The following HRAS variants were observed in gnomAD, a reference collection of about 807,000 sequenced individuals.
HRAS encodes the protein HRas proto-oncogene, GTPase, also known as GTPase HRas.
Under a neutral mutation model 19.8 loss-of-function variants are expected in HRAS, and 11 were observed. The observed-to-expected ratio is 0.55, with a 90% confidence interval of 0.35 to 0.92. HRAS has a LOEUF of 0.92. HRAS is among the 40% of genes least tolerant of loss of function. The pLI is 0.01. For missense variants in HRAS, 204 were observed against 255.9 expected, an observed-to-expected ratio of 0.80 and a Z score of 1.38; for synonymous variants, 149 against 105.5, an observed-to-expected ratio of 1.41 and a Z score of -2.52.
At chr11:534,624 C>T (rs1851342580) in intron 1 of HRAS, 2 of 504,632 alleles carry the variant, frequency 4.0e-6, no homozygotes, top group Non-Finnish European at 3.6e-6. Flanking sequence ...GCAGGGCTGA[C>T]AGCTGAGCGC....
At chr11:534,431 G>C in intron 1 of HRAS, 56 bp from the exon 2 acceptor site, 1 of 850,716 alleles carries the variant, frequency 1.2e-6, no homozygotes, top group South Asian at 1.5e-5. Context: ...GCCCCACAGG[G>C]CAGCTGCTGG....
rs1057522255 is a variant in HRAS at position 533,435 on chromosome 11, G to A, written c.450+18C>T. ...GGGGCGGGTCCCTGGCTAGCTGTGGGGTGGAGAGCTGCCTCACCTGCCGGG... is the reference window on the plus strand; with the variant it reads ...GGGGCGGGTCCCTGGCTAGCTGTGGAGTGGAGAGCTGCCTCACCTGCCGGG... On this transcript the variant is annotated intron_variant, in intron 4 of 5. Coordinates refer to ENST00000311189, the MANE Select transcript of HRAS (RefSeq NM_005343.4). The A allele has an allele frequency of 3.7e-6, 6 of 1,612,160 alleles. No individual in the cohort carries two copies. The highest frequency in any genetic ancestry group is 5.1e-6 in the Non-Finnish European group (6 of 1,179,916).
At chr11:534,457 G>A in intron 1 of HRAS, 82 bp from the exon 2 acceptor site, 1 of 697,488 alleles carries the variant, frequency 1.4e-6, no homozygotes, top group Non-Finnish European at 2.4e-6. Flanking sequence ...CCATCTGAAG[G>A]GCAAACCCAC....
rs544630615 is a variant in HRAS, at chr11:534,409, GCCCAGC to G, written c.-53-40_-53-35del. ...GAGGGCCCTGCTCAGCCAGGCCCAG[GCCCAGC>G]CCCAGGCCCCACAGGGCAGCTGCTG... is the stretch of plus-strand genomic sequence containing the variant. On this transcript the variant is annotated intron_variant, in intron 1 of 5. Transcript: ENST00000311189. 114,188 of 731,746 alleles carry G rather than the reference GCCCAGC, an allele frequency of 0.16. 8,006 individuals are homozygous for G. The highest frequency in any genetic ancestry group is 0.27 in the Admixed American group (10,885 of 39,670). 45.3% of individuals were successfully genotyped at this position (731,746 alleles called of 1,614,324 possible).
intron 1 of HRAS, 104 bp from the exon 2 acceptor site, chr11:534,479 G>A (rs1214457976): frequency 2.4e-5 from 15 of 635,794 alleles, no homozygotes; most frequent in Non-Finnish European, 4.1e-5. Context: ...GCGGTCCCTG[G>A]GCCCCAACGC....
chr11:534,323 C>T lies in HRAS; in HGVS notation c.-1G>A, dbSNP rs1851322337. 7 of 1,611,214 alleles carry T rather than the reference C, an allele frequency of 4.3e-6. No homozygotes were observed. Among genetic ancestry groups the T allele is most frequent in the East Asian group, 4.5e-5 (2 of 44,878 alleles). The stretch of plus-strand genomic sequence containing the variant: ...CCACCACCAGCTTATATTCCGTCAT[C>T]GCTCCTCAGGGGCCTGCGGCCCGGG... On this transcript the variant is annotated 5_prime_UTR_variant, in exon 2 of 6. Coordinates refer to ENST00000311189, the MANE Select transcript of HRAS (RefSeq NM_005343.4).
rs367794954 is a variant in HRAS at position 533,768 on chromosome 11, G to A, written c.288C>T (p.Tyr96=). The A allele has an allele frequency of 2.5e-6, 4 of 1,613,216 alleles. No homozygotes were observed. Among genetic ancestry groups the A allele is most frequent in the African/African-American group, 2.7e-5 (2 of 74,918 alleles). ...NTKSFEDIHQ[Y]REQIKRVKDS... ...CGGGCCAGCCTCACGGGGTTCACCT[G>A]TACTGGTGGATGTCCTCAAAAGACT... is the stretch of plus-strand genomic sequence containing the variant. Residue 96 remains tyrosine, a splice_region_variant and synonymous_variant, in exon 3 of 6, where the codon TAC becomes TAT. Coordinates refer to ENST00000311189, the MANE Select transcript of HRAS (RefSeq NM_005343.4).
At chr11:533,382 G>A (rs763202641) in intron 4 of HRAS, 71 bp downstream of exon 4, 6 of 1,603,992 alleles carry the variant, frequency 3.7e-6, no homozygotes, top group Admixed American at 1.7e-5. Context: ...GAGGGTCAGT[G>A]AGTGCTGCTC....
At position 533,529 on chromosome 11, in the gene HRAS, A is replaced by C. The variant is rs981155119; in HGVS notation, c.374T>G (p.Val125Gly). 6.2e-7 allele frequency: 1 copy of C among 1,613,828 alleles called. No individual in the cohort carries two copies. Among genetic ancestry groups the C allele is most frequent in the Admixed American group, 1.7e-5 (1 of 60,028 alleles). ...GNKCDLAART[V>G]ESRQAQDLAR... Reference sequence around the variant, plus strand: ...GAGGTCCTGAGCCTGCCGAGATTCCACAGTGCGTGCAGCCAGGTCACACTT... The same window carrying C: ...GAGGTCCTGAGCCTGCCGAGATTCCCCAGTGCGTGCAGCCAGGTCACACTT... The change falls in exon 4 of 6, where the codon GTG (valine) becomes GGG (glycine). Residue 125 changes from valine to glycine, a missense_variant. Physicochemically the swap from Val to Gly is moderately radical, Grantham distance 109 (BLOSUM62 -3). Around this residue, in one of 4 missense-constraint regions of HRAS, gnomAD observed 142 missense variants for 141.1 expected, o/e 1.01. Transcript: ENST00000311189.
At chr11:533,977 G>C (rs1851291171) in intron 2 of HRAS, 33 bp from the exon 3 acceptor site, 1 of 1,603,414 alleles carries the variant, frequency 6.2e-7, no homozygotes, top group Non-Finnish European at 8.5e-7. Flanking sequence ...GACCCCCTCA[G>C]GACCTTCCGT....
chr11:533,656 CAGCGG>C (rs1432611988), intron 3 of HRAS, 44 bp from the exon 4 acceptor site: 2 of 1,613,076 alleles, frequency 1.2e-6, no homozygotes, highest in African/African-American at 2.7e-5. Context: ...GCTGCAGGCG[CAGCGG>C]CATCCAGGAC....
rs375413227 is a variant in HRAS at position 534,331 on chromosome 11, A to G, written c.-9T>C. ...AGCTTATATTCCGTCATCGCTCCTCAGGGGCCTGCGGCCCGGGGTCCTCCT... is the reference window on the plus strand; with the variant it reads ...AGCTTATATTCCGTCATCGCTCCTCGGGGGCCTGCGGCCCGGGGTCCTCCT... On this transcript the variant is annotated 5_prime_UTR_variant, in exon 2 of 6. Coordinates refer to ENST00000311189, the MANE Select transcript of HRAS (RefSeq NM_005343.4). The G allele has an allele frequency of 1.9e-6, 3 of 1,608,620 alleles. No individual in the cohort carries two copies. The African/African-American group carries it at 4.0e-5, about 21-fold the overall frequency.
At position 534,308 on chromosome 11, in the gene HRAS, C is replaced by T. The variant is rs1368820132; in HGVS notation, c.15G>A (p.Lys5=). The change falls in exon 2 of 6, where the codon AAG becomes AAA. Residue 5 remains lysine, a synonymous_variant. Transcript: ENST00000311189. ...CACCGCCGGCGCCCACCACCACCAG[C>T]TTATATTCCGTCATCGCTCCTCAGG... The part of the protein sequence containing the change: MTEY[K]LVVVGAGGVG... 4 of 1,612,844 alleles carry T rather than the reference C, an allele frequency of 2.5e-6. No individual in the cohort carries two copies. Among genetic ancestry groups the T allele is most frequent in the South Asian group, 2.2e-5 (2 of 91,092 alleles).
rs370694089 is a variant in HRAS, at chr11:534,016, C to T, written c.112-72G>A. ...GGGAGTTCACACAGCCAGCCTCTCC[C>T]TGGTACCTCTCATGCCCCTCATGCC... On this transcript the variant is annotated intron_variant, in intron 2 of 5. Transcript: ENST00000311189. The T allele has an allele frequency of 1.0e-4, 157 of 1,515,590 alleles. No homozygotes were observed. The African/African-American group carries it at 1.8e-3, about 17-fold the overall frequency. 93.9% of individuals were successfully genotyped at this position (1,515,590 alleles called of 1,614,324 possible). A position where few individuals can be genotyped will look rare whatever the true frequency, so the allele number is the denominator to read the frequency against.
At chr11:534,470 C>T (rs367779694) in intron 1 of HRAS, 95 bp from the exon 2 acceptor site, 6 of 658,582 alleles carry the variant, frequency 9.1e-6, no homozygotes, top group African/African-American at 3.6e-5. Flanking sequence ...AAACCCACAG[C>T]GGTCCCTGGG....
chr11:533,741 C>T (rs1427412831), intron 3 of HRAS, 25 bp downstream of exon 3: 7 of 1,612,896 alleles, frequency 4.3e-6, no homozygotes, highest in African/African-American at 4.0e-5. Context: ...GGCGTGGGCT[C>T]CCGGGCCAGC....
At chr11:533,181 G>T in intron 4 of HRAS, 1 of 1,154,128 alleles carries the variant, frequency 8.7e-7, no homozygotes, top group Non-Finnish European at 1.2e-6. Context: ...AAGGACCTCC[G>T]CCTTCCCCGG....
In HRAS at chr11:533,524, A is replaced by G. The variant is rs1221709596; in HGVS notation, c.379T>C (p.Ser127Pro). ...KCDLAARTVE[S>P]RQAQDLARSY... ...CGGGCGAGGTCCTGAGCCTGCCGAG[A>G]TTCCACAGTGCGTGCAGCCAGGTCA... The change falls in exon 4 of 6, where the codon TCT (serine) becomes CCT (proline). Residue 127 changes from serine (S) to proline (P), a missense_variant. By Grantham distance (74) the Ser-to-Pro change is moderately conservative. Coordinates refer to ENST00000311189, the MANE Select transcript of HRAS (RefSeq NM_005343.4). 1.2e-6 allele frequency: 2 copies of G among 1,613,778 alleles called. No homozygotes were observed. The highest frequency in any genetic ancestry group is 1.3e-5 in the African/African-American group (1 of 75,026).
intron 4 of HRAS, 118 bp downstream of exon 4, chr11:533,335 G>A: frequency 6.2e-7 from 1 of 1,605,456 alleles, no homozygotes; most frequent in Non-Finnish European, 8.5e-7. Flanking sequence ...TCCCGGAGCT[G>A]GAGCTAGAGC....
Sources: gnomAD v4.1 joint callset for allele counts on GRCh38, gnomAD v4.1.1 for gene constraint, gnomAD v4.1.1 regional missense constraint, MANE v1.5 for transcripts, NCBI Gene and HGNC (gene_info 2026-07-23, HGNC 2026-07-21) for gene names.